PPM1A: variants seen among roughly 807,000 people sequenced by gnomAD.
The protein encoded by PPM1A is protein phosphatase, Mg2+/Mn2+ dependent 1A, also known as protein phosphatase 1A.
In PPM1A, 7 loss-of-function variants were observed where a neutral mutation model predicts 35.0. That is an observed-to-expected ratio of 0.20 (90% confidence interval 0.11 to 0.38). The LOEUF is 0.38. Ranked by LOEUF, PPM1A falls within the 10% of genes least tolerant of loss-of-function variation. The pLI is 1.00. For synonymous variants in PPM1A, 153 were observed against 167.3 expected (o/e 0.91, Z 0.66); for missense variants, 239 against 467.8 (o/e 0.51, Z 4.51).
chr14:60,248,096 C>T (rs1278729469), upstream of PPM1A, among the ~76,000 whole-genome samples: 1 of 152,188 alleles, frequency 6.6e-6, no homozygotes, highest in African/African-American at 2.4e-5. Flanking sequence ...GGAACCCGTG[C>T]TGGTGATGTA....
intron 1 of PPM1A, among the ~76,000 whole-genome samples, chr14:60,264,318 G>A (rs1316719203): frequency 6.6e-6 from 1 of 151,686 alleles, no homozygotes; most frequent in African/African-American, 2.4e-5. Context: ...TTATGCTTCT[G>A]TATGTAATTT....
At chr14:60,266,101 T>A (rs1156470812) in intron 1 of PPM1A, among the ~76,000 whole-genome samples, 1 of 152,210 alleles carries the variant, frequency 6.6e-6, no homozygotes, top group Non-Finnish European at 1.5e-5. Context: ...GAGAAGGTAA[T>A]GTATAAAAAA....
At chr14:60,258,703 G>T (rs552727507) in intron 1 of PPM1A, among the ~76,000 whole-genome samples, 2 of 151,974 alleles carry the variant, frequency 1.3e-5, no homozygotes, top group Non-Finnish European at 2.9e-5. Context: ...TTTGTTGGCC[G>T]GCCAACTTCT....
At chr14:60,262,419 C>T (rs1285980518) in intron 1 of PPM1A, among the ~76,000 whole-genome samples, 4 of 152,196 alleles carry the variant, frequency 2.6e-5, no homozygotes, top group East Asian at 3.8e-4. Flanking sequence ...CATAGTGGCT[C>T]AAGCCTGTAA....
chr14:60,268,792 G>A (rs1167738759), intron 1 of PPM1A, among the ~76,000 whole-genome samples: 1 of 151,536 alleles, frequency 6.6e-6, no homozygotes, highest in African/African-American at 2.4e-5. Flanking sequence ...TTCTATAATT[G>A]TAGAAATATG....
intron 2 of PPM1A, among the ~76,000 whole-genome samples, chr14:60,284,736 T>A (rs1163366831): frequency 6.7e-6 from 1 of 148,668 alleles, no homozygotes; most frequent in Admixed American, 6.7e-5. Flanking sequence ...TATATATATA[T>A]AATGCCTAGT....
chr14:60,263,361 G>T (rs529087908), intron 1 of PPM1A, among the ~76,000 whole-genome samples: 7 of 152,136 alleles, frequency 4.6e-5, no homozygotes, highest in African/African-American at 1.7e-4. Flanking sequence ...GCCTTTGTAG[G>T]TTTTTTGAAG....
At chr14:60,252,788 T>C (rs1882594949) in intron 1 of PPM1A, among the ~76,000 whole-genome samples, 1 of 152,222 alleles carries the variant, frequency 6.6e-6, no homozygotes, top group Non-Finnish European at 1.5e-5. Flanking sequence ...TTCAAATGTC[T>C]TATGTTCTCC....
At chr14:60,258,007 T>G (rs1019416549) in intron 1 of PPM1A, among the ~76,000 whole-genome samples, 1 of 152,152 alleles carries the variant, frequency 6.6e-6, no homozygotes, top group African/African-American at 2.4e-5. Flanking sequence ...GGGGCCAATC[T>G]TAGAAGTGGC....
chr14:60,253,000 T>C (rs1166031612), intron 1 of PPM1A, among the ~76,000 whole-genome samples: 1 of 152,148 alleles, frequency 6.6e-6, no homozygotes, highest in Non-Finnish European at 1.5e-5. Flanking sequence ...TAAAATGTAA[T>C]AGACTTTATA....
Position 60,282,006 on chromosome 14 carries a change from A to G in PPM1A, c.-20-678A>G, listed in dbSNP as rs1276725424. Among the ~76,000 whole-genome samples the G allele has an allele frequency of 1.3e-5, 2 of 152,144 alleles. No individual in the cohort carries two copies. Among genetic ancestry groups the G allele is most frequent in the African/African-American group, 4.8e-5 (2 of 41,446 alleles). On this transcript the variant is annotated intron_variant, in intron 1 of 5. Transcript: ENST00000395076. This position sits in a 1 kb window ranked among gnomAD's most constrained non-coding sequence, Gnocchi z 5.1. ...GCTACAACATTTACAGTAATTTAAT[A>G]ACTTAACTGACTTTATCAAAAACTG...
chr14:60,249,262 C>T lies in PPM1A; in HGVS notation c.-436C>T. 1.0e-6 allele frequency: 1 copy of T among 982,884 alleles called. No homozygotes were observed. Among genetic ancestry groups the T allele is most frequent in the Non-Finnish European group, 1.2e-6 (1 of 830,244 alleles). The allele number at this position is 982,884 out of a possible 1,614,324, so 60.9% of individuals were successfully genotyped here. On this transcript the variant is annotated 5_prime_UTR_variant, in exon 1 of 6. Transcript: ENST00000395076. This position sits in a 1 kb window ranked among gnomAD's most constrained non-coding sequence, Gnocchi z 4.5. ...GCGGTGGCGGCGCTAGGGACGGGAG[C>T]GCGCGCGGGAGCTAGAGAGCAGTGG...
intron 3 of PPM1A, chr14:60,287,399 T>C: frequency 1.0e-6 from 1 of 982,624 alleles, no homozygotes; most frequent in Non-Finnish European, 1.2e-6. Flanking sequence ...TATTTTTTAC[T>C]CAGATTTGAT....
Position 60,249,237 on chromosome 14 carries a change from G to C in PPM1A, c.-461G>C, listed in dbSNP as rs1330728612. On this transcript the variant is annotated 5_prime_UTR_variant, in exon 1 of 6. Transcript: ENST00000395076. This position sits in a 1 kb window ranked among gnomAD's most constrained non-coding sequence, Gnocchi z 4.5. ...GGCCGCGCTAGAGGCGGCGGCGGCG[G>C]CGGTGGCGGCGCTAGGGACGGGAGC... 4 of 987,966 alleles carry C rather than the reference G, an allele frequency of 4.0e-6. No homozygotes were observed. The allele number at this position is 987,966 out of a possible 1,614,324, so 61.2% of individuals were successfully genotyped here. A position where few individuals can be genotyped will look rare whatever the true frequency, so the allele number is the denominator to read the frequency against.
intron 1 of PPM1A, among the ~76,000 whole-genome samples, chr14:60,255,898 C>CT (rs1883074081): frequency 6.6e-6 from 1 of 152,176 alleles, no homozygotes; most frequent in African/African-American, 2.4e-5. Context: ...TCACATATCT[C>CT]TTTTCAGAGT....
intron 1 of PPM1A, among the ~76,000 whole-genome samples, chr14:60,271,780 G>A (rs1022579312): frequency 3.9e-5 from 6 of 151,954 alleles, no homozygotes. Flanking sequence ...TTGAGAATAA[G>A]AGGTTTTTTT....
At chr14:60,254,200 G>C (rs1370363247) in intron 1 of PPM1A, among the ~76,000 whole-genome samples, 2 of 152,174 alleles carry the variant, frequency 1.3e-5, no homozygotes, top group Admixed American at 6.5e-5. Context: ...AGCCAAACTA[G>C]AGATTGAGTA....
At chr14:60,255,141 G>C (rs1452071177) in intron 1 of PPM1A, among the ~76,000 whole-genome samples, 1 of 146,678 alleles carries the variant, frequency 6.8e-6, no homozygotes, top group Non-Finnish European at 1.5e-5. Flanking sequence ...CAATGTCTGT[G>C]TATTATTTCT....
intron 3 of PPM1A, chr14:60,288,596 T>G: frequency 1.0e-6 from 1 of 957,674 alleles, no homozygotes; most frequent in African/African-American, 1.8e-5. Flanking sequence ...AGACTGTTTT[T>G]TTTTTTAAGG....
Sources: gnomAD v4.1 joint callset for allele counts (sites outside exome capture counted in the v4.1 genomes callset) on GRCh38, gnomAD v4.1.1 for gene constraint, Gnocchi (gnomAD v3.1) non-coding constraint, MANE v1.5 for transcripts, NCBI Gene and HGNC (gene_info 2026-07-23, HGNC 2026-07-21) for gene names.